CCDC3: variants seen among roughly 807,000 people sequenced by gnomAD.
CCDC3 encodes coiled-coil domain-containing protein 3.
CCDC3 carries 24 observed loss-of-function variants against 21.4 expected under a neutral mutation model. The ratio of observed to expected loss-of-function variants is 1.12; its 90% CI spans 0.81 to 1.58. The LOEUF (loss-of-function observed/expected upper bound fraction) is 1.58. CCDC3 is among the 40% of genes most tolerant of loss of function. The pLI, the probability that CCDC3 is intolerant of heterozygous loss-of-function variation, is 0.00. For synonymous variants in CCDC3, 186 were observed against 166.0 expected (o/e 1.12, Z -0.93); for missense variants, 425 against 360.9 (o/e 1.18, Z -1.44).
In CCDC3 at chr10:13,028,212, T is replaced by C. The variant is rs377051842; in HGVS notation, c.-2+21462A>G. 3.9e-4 allele frequency among the ~76,000 whole-genome samples: 60 copies of C among 152,290 alleles called. No homozygotes were observed. The South Asian group carries it at 8.5e-3, about 22-fold the overall frequency. ...GGTTTTTCCCATACCGTTCTCATGATAGTGAGTACGTCTCATGAGATCTGA... is the reference window on the plus strand; with the variant it reads ...GGTTTTTCCCATACCGTTCTCATGACAGTGAGTACGTCTCATGAGATCTGA... On this transcript the variant is annotated intron_variant, in intron 5 of 6. Transcript: ENST00000378839.
intron 2 of CCDC3, among the ~76,000 whole-genome samples, chr10:12,944,627 A>G (rs906177973): frequency 3.3e-5 from 5 of 152,212 alleles, no homozygotes; most frequent in African/African-American, 7.2e-5. Context: ...ATAATGGGCC[A>G]TGGTTCTTAA....
intron 5 of CCDC3, among the ~76,000 whole-genome samples, chr10:13,025,724 T>C (rs1054812841): frequency 3.3e-5 from 5 of 152,228 alleles, no homozygotes; most frequent in Non-Finnish European, 5.9e-5. Context: ...TTCTTGTATT[T>C]TGTTTTTCAC....
chr10:13,067,281 C>G (rs944816996), intron 4 of CCDC3, among the ~76,000 whole-genome samples: 1 of 152,318 alleles, frequency 6.6e-6, no homozygotes, highest in South Asian at 2.1e-4. Flanking sequence ...TCGGAGGAAC[C>G]CATTTGTATA....
intron 2 of CCDC3, among the ~76,000 whole-genome samples, chr10:12,922,834 T>G (rs1388586355): frequency 6.6e-6 from 1 of 152,164 alleles, no homozygotes. Flanking sequence ...TAGTATGGGA[T>G]GTACAGAAAG....
chr10:13,049,754 G>A (rs1037696135), exon 5 of CCDC3: 67 of 152,198 alleles, frequency 4.4e-4, no homozygotes, highest in Admixed American at 3.4e-3. Flanking sequence ...CTGCCCAGAA[G>A]AGCCCTGGGA....
intron 5 of CCDC3, among the ~76,000 whole-genome samples, chr10:13,049,084 G>A (rs530592122): frequency 6.6e-6 from 1 of 152,288 alleles, no homozygotes; most frequent in Admixed American, 6.5e-5. Flanking sequence ...GACATCTTAG[G>A]CATCTAATCT....
chr10:12,995,418 T>C (rs1835746882), intron 2 of CCDC3, among the ~76,000 whole-genome samples: 1 of 152,140 alleles, frequency 6.6e-6, no homozygotes, highest in Non-Finnish European at 1.5e-5. Flanking sequence ...ATTTTTGTAT[T>C]TTTAGTAGAG....
chr10:13,081,571 C>A (rs1489097514), intron 3 of CCDC3, among the ~76,000 whole-genome samples: 2 of 152,324 alleles, frequency 1.3e-5, no homozygotes, highest in South Asian at 2.1e-4. Context: ...AAAACTTAAT[C>A]TATCTTCTCT....
At chr10:12,981,101 G>A (rs1378510942) in intron 2 of CCDC3, among the ~76,000 whole-genome samples, 1 of 151,186 alleles carries the variant, frequency 6.6e-6, no homozygotes, top group Non-Finnish European at 1.5e-5. Flanking sequence ...TTGAACTCCT[G>A]GCTTCAAGCC....
intron 2 of CCDC3, among the ~76,000 whole-genome samples, chr10:12,996,422 G>A (rs758372397): frequency 2.7e-4 from 41 of 150,428 alleles, no homozygotes; most frequent in Non-Finnish European, 4.7e-4. Flanking sequence ...TGCAACCTCC[G>A]CCTCCTGAGT....
intron 2 of CCDC3, among the ~76,000 whole-genome samples, chr10:12,986,787 A>AG (rs1352655138): frequency 6.6e-6 from 1 of 151,594 alleles, no homozygotes; most frequent in Non-Finnish European, 1.5e-5. Flanking sequence ...AAAAAAAACA[A>AG]AAAAACAAAA....
intron 2 of CCDC3, among the ~76,000 whole-genome samples, chr10:12,989,046 C>T (rs1252155614): frequency 5.3e-5 from 8 of 152,204 alleles, no homozygotes; most frequent in Admixed American, 4.6e-4. Context: ...AAGTCCAGAT[C>T]GAGCCCCCTC....
chr10:12,977,111 C>CA (rs1008175296), intron 2 of CCDC3, among the ~76,000 whole-genome samples: 1 of 151,948 alleles, frequency 6.6e-6, no homozygotes, highest in Non-Finnish European at 1.5e-5. Flanking sequence ...CCATCTCTAC[C>CA]AAAAAACAGA....
At chr10:12,948,728 GTTTT>G (rs72323989) in intron 2 of CCDC3, among the ~76,000 whole-genome samples, 25 of 91,080 alleles carry the variant, frequency 2.7e-4, no homozygotes, top group African/African-American at 8.1e-4. Context: ...TTTTAAGGCA[GTTTT>G]TTTTTTTTTT....
At chr10:12,953,056 T>TA (rs1835031207) in intron 2 of CCDC3, among the ~76,000 whole-genome samples, 1 of 151,652 alleles carries the variant, frequency 6.6e-6, no homozygotes, top group African/African-American at 2.4e-5. Context: ...ACACTGCTGA[T>TA]AAAGACGTAC....
At chr10:12,963,744 C>T (rs1449875518) in intron 2 of CCDC3, among the ~76,000 whole-genome samples, 7 of 151,954 alleles carry the variant, frequency 4.6e-5, no homozygotes, top group African/African-American at 1.5e-4. Flanking sequence ...CCATGCCCAG[C>T]GAATTTTTTG....
intron 5 of CCDC3, among the ~76,000 whole-genome samples, chr10:13,027,928 T>G (rs927807120): frequency 6.6e-6 from 1 of 152,162 alleles, no homozygotes; most frequent in Admixed American, 6.6e-5. Flanking sequence ...ACATCCTATC[T>G]TCTCAATTAA....
At chr10:12,971,006 G>A (rs1176397594) in intron 2 of CCDC3, among the ~76,000 whole-genome samples, 1 of 152,082 alleles carries the variant, frequency 6.6e-6, no homozygotes, top group Non-Finnish European at 1.5e-5. Context: ...TTTAAATCTG[G>A]AATCTATCTA....
At chr10:12,923,844 C>G (rs1834492750) in intron 2 of CCDC3, among the ~76,000 whole-genome samples, 2 of 152,208 alleles carry the variant, frequency 1.3e-5, no homozygotes, top group African/African-American at 4.8e-5. Flanking sequence ...AGGTTTCAGA[C>G]AACCTCTGCT....
Sources: gnomAD v4.1 joint callset for allele counts (sites outside exome capture counted in the v4.1 genomes callset) on GRCh38, gnomAD v4.1.1 for gene constraint, MANE v1.5 for transcripts, NCBI Gene and HGNC (gene_info 2026-07-23, HGNC 2026-07-21) for gene names.